The following ANKS1B variants were observed in gnomAD, a reference collection of about 807,000 sequenced individuals.
ANKS1B encodes the protein ankyrin repeat and sterile alpha motif domain containing 1B.
A neutral mutation model predicts 148.3 loss-of-function variants in ANKS1B; 36 were observed. That is an observed-to-expected ratio of 0.24 (90% confidence interval 0.19 to 0.32). The LOEUF (loss-of-function observed/expected upper bound fraction) is 0.32, where lower values mean the gene tolerates loss of function less well. Among genes scored for constraint, ANKS1B ranks in the 10% least tolerant of loss-of-function variants. The pLI is 1.00. For synonymous variants in ANKS1B, 542 were observed against 560.8 expected, an observed-to-expected ratio of 0.97 and a Z score of 0.47; for missense variants, 1,157 against 1,542.6, an observed-to-expected ratio of 0.75 and a Z score of 4.19.
intron 1 of ANKS1B, among the ~76,000 whole-genome samples, chr12:99,923,093 A>T (rs752846845): frequency 6.6e-6 from 1 of 152,220 alleles, no homozygotes; most frequent in African/African-American, 2.4e-5. Context: ...AAGAAGCATG[A>T]AACTGCATAG....
intron 8 of ANKS1B, among the ~76,000 whole-genome samples, chr12:99,685,874 C>T (rs2098646705): frequency 6.6e-6 from 1 of 152,030 alleles, no homozygotes; most frequent in Non-Finnish European, 1.5e-5. Flanking sequence ...AGTGAAGTAA[C>T]TCAGAAATGG....
chr12:99,898,581 A>C (rs2093471713), intron 1 of ANKS1B, among the ~76,000 whole-genome samples: 1 of 152,174 alleles, frequency 6.6e-6, no homozygotes, highest in Admixed American at 6.5e-5. Context: ...AGCCCTAGGC[A>C]TCCTCCTCTT....
At chr12:99,615,345 T>A (rs771568261) in intron 9 of ANKS1B, among the ~76,000 whole-genome samples, 23 of 152,256 alleles carry the variant, frequency 1.5e-4, no homozygotes, top group Middle Eastern at 3.4e-3. Context: ...CATGGCACAT[T>A]CAATAGTTAA....
intron 8 of ANKS1B, among the ~76,000 whole-genome samples, chr12:99,669,437 T>A (rs1168340616): frequency 1.3e-5 from 2 of 149,246 alleles, no homozygotes; most frequent in East Asian, 3.9e-4. Flanking sequence ...TGCTTTTACT[T>A]TTTTTTTTTA....
At chr12:99,483,904 A>T (rs1175422942) in intron 10 of ANKS1B, among the ~76,000 whole-genome samples, 1 of 151,908 alleles carries the variant, frequency 6.6e-6, no homozygotes, top group Non-Finnish European at 1.5e-5. Context: ...CACCTGGTTA[A>T]TCTAGCTAAT....
intron 8 of ANKS1B, among the ~76,000 whole-genome samples, chr12:99,731,055 G>C (rs2059095560): frequency 6.6e-6 from 1 of 152,034 alleles, no homozygotes; most frequent in African/African-American, 2.4e-5. Flanking sequence ...TCCTGCCTCA[G>C]CCTCCCTCCC....
chr12:99,580,257 C>A (rs1353682852), intron 9 of ANKS1B, among the ~76,000 whole-genome samples: 1 of 152,046 alleles, frequency 6.6e-6, no homozygotes, highest in African/African-American at 2.4e-5. Context: ...ATGCTCACTA[C>A]CTGGGTGACA....
chr12:98,957,408 C>T (rs143388411), intron 17 of ANKS1B, among the ~76,000 whole-genome samples: 3,558 of 151,620 alleles, frequency 0.023, 129 homozygotes, highest in African/African-American at 0.074. Flanking sequence ...AGTGCAGTGG[C>T]GTGATCTCGG....
intron 1 of ANKS1B, among the ~76,000 whole-genome samples, chr12:99,907,926 A>G (rs553208141): frequency 2.0e-5 from 3 of 152,268 alleles, no homozygotes; most frequent in Non-Finnish European, 2.9e-5. Flanking sequence ...GTAAAGCAAC[A>G]TGATAACAAA....
chr12:98,894,980 G>A (rs976585076), intron 17 of ANKS1B: 6 of 819,954 alleles, frequency 7.3e-6, no homozygotes, highest in East Asian at 1.3e-4. Context: ...GCGCGCGCCT[G>A]CCCTGGCGGC....
chr12:99,158,581 C>A (rs1263698818), intron 14 of ANKS1B, among the ~76,000 whole-genome samples: 1 of 152,102 alleles, frequency 6.6e-6, no homozygotes, highest in African/African-American at 2.4e-5. Flanking sequence ...AACAAACAAT[C>A]AAAAAACCCT....
intron 9 of ANKS1B, among the ~76,000 whole-genome samples, chr12:99,564,457 T>A (rs773931827): frequency 1.3e-5 from 2 of 151,916 alleles, no homozygotes; most frequent in Non-Finnish European, 2.9e-5. Flanking sequence ...ATAAAATTAA[T>A]AATATATGTA....
chr12:99,410,359 C>T (rs1267912035), intron 11 of ANKS1B, among the ~76,000 whole-genome samples: 5 of 151,840 alleles, frequency 3.3e-5, no homozygotes, highest in Admixed American at 1.3e-4. Flanking sequence ...AAAATTGTGA[C>T]CCTTTCTATA....
At position 99,807,752 on chromosome 12, in the gene ANKS1B, G is replaced by A. The variant is rs114017543; in HGVS notation, c.373-1052C>T. On this transcript the variant is annotated intron_variant, in intron 3 of 26. Coordinates refer to ENST00000683438, the MANE Select transcript of ANKS1B (RefSeq NM_001352186.2). ...TGAATAGTTGAATAACTGGCCTTCCGTTATACAGCCATTTAGTGGTAGGAC... is the reference window on the plus strand; with the variant it reads ...TGAATAGTTGAATAACTGGCCTTCCATTATACAGCCATTTAGTGGTAGGAC... 5.6e-3 allele frequency among the ~76,000 whole-genome samples: 856 copies of A among 152,094 alleles called. 7 individuals carry two copies. Among genetic ancestry groups the A allele is most frequent in the African/African-American group, 0.019 (800 of 41,488 alleles).
At chr12:99,561,456 T>G (rs2097335069) in intron 9 of ANKS1B, among the ~76,000 whole-genome samples, 1 of 152,216 alleles carries the variant, frequency 6.6e-6, no homozygotes, top group Non-Finnish European at 1.5e-5. Flanking sequence ...TACTTTTAAT[T>G]CAAAGATTAG....
chr12:99,969,493 A>G (rs1165784317), intron 1 of ANKS1B, among the ~76,000 whole-genome samples: 1 of 152,136 alleles, frequency 6.6e-6, no homozygotes, highest in Non-Finnish European at 1.5e-5. Context: ...CTAACACTGT[A>G]TATAGTGAAA....
rs753713731 is a variant in ANKS1B, at chr12:99,401,248, G to A, written c.1576-1437C>T. ...GGTTTCTCATGAAATGTCTGTCCTT[G>A]GGACTGCTGAATCTCAATTTCACAT... On this transcript the variant is annotated intron_variant, in intron 11 of 26. Transcript: ENST00000683438. Among the ~76,000 whole-genome samples, 2 of 145,966 alleles carry A rather than the reference G, an allele frequency of 1.4e-5. 1 individual carries two copies. Among genetic ancestry groups the A allele is most frequent in the African/African-American group, 5.2e-5 (2 of 38,518 alleles).
rs527646664 is a variant in ANKS1B, at chr12:99,558,058, C to G, written c.1273-53417G>C. Among the ~76,000 whole-genome samples the G allele has an allele frequency of 2.0e-5, 3 of 152,278 alleles. No homozygotes were observed. The South Asian group carries it at 6.2e-4, about 32-fold the overall frequency. On this transcript the variant is annotated intron_variant, in intron 9 of 26. Coordinates refer to ENST00000683438, the MANE Select transcript of ANKS1B (RefSeq NM_001352186.2). ...GAGGGGCCGAGGTATTCTTAGACTG[C>G]TAGCCACAACGCTACAATGGAGAGT...
chr12:99,137,541 C>G (rs1194703017), intron 15 of ANKS1B, among the ~76,000 whole-genome samples: 2 of 152,210 alleles, frequency 1.3e-5, no homozygotes, highest in Non-Finnish European at 2.9e-5. Context: ...TATCCATTCT[C>G]AGTTACACAG....
Sources: gnomAD v4.1 joint callset for allele counts (sites outside exome capture counted in the v4.1 genomes callset) on GRCh38, gnomAD v4.1.1 for gene constraint, MANE v1.5 for transcripts, NCBI Gene and HGNC (gene_info 2026-07-23, HGNC 2026-07-21) for gene names.